OPCML: variants seen among roughly 807,000 people sequenced by gnomAD.
The protein encoded by OPCML is opioid binding protein/cell adhesion molecule like.
In OPCML, 13 loss-of-function variants were observed where a neutral mutation model predicts 37.8. The observed-to-expected ratio is 0.34, with a 90% CI of 0.22 to 0.55. OPCML has a LOEUF of 0.55. OPCML is among the 20% of genes least tolerant of loss of function. The pLI is 0.91. For missense variants in OPCML, 341 were observed against 435.6 expected (o/e 0.78, Z 1.93); for synonymous variants, 176 against 168.8 (o/e 1.04, Z -0.33).
chr11:132,783,490 G>A (rs191896150), intron 2 of OPCML, among the ~76,000 whole-genome samples: 1 of 152,242 alleles, frequency 6.6e-6, no homozygotes, highest in Non-Finnish European at 1.5e-5. Context: ...TAGGTGGCTT[G>A]CTCTTTGCCA....
intron 1 of OPCML, among the ~76,000 whole-genome samples, chr11:133,510,903 GCACACA>G (rs139570053): frequency 6.3e-4 from 93 of 147,534 alleles, no homozygotes; most frequent in African/African-American, 1.6e-3. Flanking sequence ...ACACACACAC[GCACACA>G]CACACACACA....
At chr11:133,089,548 G>C (rs1948872567) in intron 1 of OPCML, among the ~76,000 whole-genome samples, 1 of 152,118 alleles carries the variant, frequency 6.6e-6, no homozygotes, top group African/African-American at 2.4e-5. Flanking sequence ...CAAAACAAAA[G>C]GCTTCTGACA....
At chr11:133,413,136 A>C (rs1183770059) in intron 1 of OPCML, among the ~76,000 whole-genome samples, 2 of 152,146 alleles carry the variant, frequency 1.3e-5, no homozygotes, top group Admixed American at 1.3e-4. Flanking sequence ...CAGTGATCAC[A>C]GGGGAAATGA....
chr11:132,430,286 A>AG (rs2095992172), intron 7 of OPCML, among the ~76,000 whole-genome samples: 1 of 151,216 alleles, frequency 6.6e-6, no homozygotes, highest in Non-Finnish European at 1.5e-5. Flanking sequence ...GAGAAGATGG[A>AG]GGGGGAAGAG....
rs543909750 is a variant in OPCML at position 132,506,593 on chromosome 11, G to A, written c.505+22468C>T. 8.5e-5 allele frequency among the ~76,000 whole-genome samples: 13 copies of A among 152,270 alleles called. No homozygotes were observed. The South Asian group carries it at 2.7e-3, about 32-fold the overall frequency. On this transcript the variant is annotated intron_variant, in intron 4 of 7. Transcript: ENST00000524381. ...GAGAAACACAGTGCCAAGATAGGAA[G>A]GAGGATGAAAGGAGGCTGCCGCAAT...
At chr11:133,051,646 C>T (rs749122765) in intron 1 of OPCML, among the ~76,000 whole-genome samples, 1 of 152,156 alleles carries the variant, frequency 6.6e-6, no homozygotes, top group African/African-American at 2.4e-5. Flanking sequence ...GGCATCATGT[C>T]GACATAGGAC....
chr11:132,988,001 G>A (rs75955338), intron 1 of OPCML, among the ~76,000 whole-genome samples: 9,054 of 152,294 alleles, frequency 0.059, 575 homozygotes, highest in East Asian at 0.23. Context: ...ATGTAAACAA[G>A]AATGTGCTGT....
At chr11:133,048,730 G>A (rs1044032479) in intron 1 of OPCML, among the ~76,000 whole-genome samples, 1 of 152,176 alleles carries the variant, frequency 6.6e-6, no homozygotes, top group Non-Finnish European at 1.5e-5. Context: ...ATGCTTTGCT[G>A]TTATGCCCCA....
chr11:132,761,807 T>C (rs1438915885), intron 2 of OPCML, among the ~76,000 whole-genome samples: 1 of 152,198 alleles, frequency 6.6e-6, no homozygotes. Context: ...AGCCTACTTC[T>C]GTCAATTGAT....
At chr11:133,463,811 G>C (rs1016217891) in intron 1 of OPCML, among the ~76,000 whole-genome samples, 5 of 152,060 alleles carry the variant, frequency 3.3e-5, no homozygotes, top group African/African-American at 1.2e-4. Flanking sequence ...CAAATACAAT[G>C]CTGACTCTTA....
chr11:132,574,910 A>G (rs2096446838), intron 3 of OPCML, among the ~76,000 whole-genome samples: 1 of 151,932 alleles, frequency 6.6e-6, no homozygotes. Flanking sequence ...AGTTCTGTCA[A>G]GGTGTGCTTT....
intron 1 of OPCML, among the ~76,000 whole-genome samples, chr11:133,501,734 AC>A (rs11306786): frequency 0.22 from 32,964 of 150,654 alleles, 4,228 homozygotes; most frequent in African/African-American, 0.33. Flanking sequence ...AGTGACCAAG[AC>A]CCCCCACCCC....
chr11:132,456,847 T>A (rs2096084302), intron 4 of OPCML, among the ~76,000 whole-genome samples: 1 of 152,266 alleles, frequency 6.6e-6, no homozygotes, highest in Non-Finnish European at 1.5e-5. Context: ...TTTTTACAAT[T>A]CCCTGATTAA....
intron 1 of OPCML, among the ~76,000 whole-genome samples, chr11:133,371,160 C>T (rs544787584): frequency 6.6e-6 from 1 of 152,184 alleles, no homozygotes; most frequent in South Asian, 2.1e-4. Flanking sequence ...CAAAAAATAA[C>T]AGGTGCTGGT....
At chr11:133,134,798 G>A (rs1949660240) in intron 1 of OPCML, among the ~76,000 whole-genome samples, 1 of 152,136 alleles carries the variant, frequency 6.6e-6, no homozygotes, top group Non-Finnish European at 1.5e-5. Flanking sequence ...ATGCCAGGAG[G>A]GCGCAGAGAG....
At chr11:133,136,031 C>G (rs545791521) in intron 1 of OPCML, among the ~76,000 whole-genome samples, 1 of 152,190 alleles carries the variant, frequency 6.6e-6, no homozygotes, top group Non-Finnish European at 1.5e-5. Context: ...GTTCGTTCTT[C>G]ACCCATATTT....
intron 3 of OPCML, among the ~76,000 whole-genome samples, chr11:132,615,194 C>A (rs1392548770): frequency 1.3e-5 from 2 of 152,144 alleles, no homozygotes; most frequent in African/African-American, 2.4e-5. Flanking sequence ...AGTAAGAGGA[C>A]TACTGGTTAT....
At chr11:133,379,371 C>A (rs1460128300) in intron 1 of OPCML, among the ~76,000 whole-genome samples, 1 of 152,230 alleles carries the variant, frequency 6.6e-6, no homozygotes. Flanking sequence ...CAGCTGAGCT[C>A]TTTAGAGAGC....
intron 1 of OPCML, among the ~76,000 whole-genome samples, chr11:133,225,159 T>C (rs1468982495): frequency 1.3e-5 from 2 of 152,238 alleles, no homozygotes; most frequent in Admixed American, 6.5e-5. Flanking sequence ...TATTCTCTTA[T>C]TTATTTGGCA....
Sources: allele counts gnomAD v4.1 joint callset (sites outside exome capture counted in the v4.1 genomes callset), GRCh38; gene constraint gnomAD v4.1.1; transcripts MANE v1.5; gene names NCBI Gene and HGNC (gene_info 2026-07-23, HGNC 2026-07-21).